The following THOP1 variants were observed in gnomAD, a reference collection of about 807,000 sequenced individuals.
THOP1 encodes the protein thimet oligopeptidase.
Under a neutral mutation model 71.8 loss-of-function variants are expected in THOP1, and 49 were observed. The ratio of observed to expected loss-of-function variants is 0.68; its 90% CI spans 0.54 to 0.87. THOP1 has a LOEUF of 0.87. Ranked by LOEUF, THOP1 falls within the 40% of genes least tolerant of loss-of-function variation. The pLI, the probability that THOP1 is intolerant of heterozygous loss-of-function variation, is 0.00. For missense variants in THOP1, 843 were observed against 975.6 expected (o/e 0.86, Z 1.81); for synonymous variants, 426 against 421.5 (o/e 1.01, Z -0.13).
rs371608854 is a variant in THOP1, at chr19:2,806,908, C to T, written c.751-9C>T. On this transcript the variant is annotated splice_polypyrimidine_tract_variant and intron_variant, in intron 6 of 12. Coordinates refer to ENST00000307741, the MANE Select transcript of THOP1 (RefSeq NM_003249.5). ...CCCCTGGGTGACAGTGTGGTGGTGT[C>T]GGTTGCAGGAGAACTGCGCTATCCT... 130 of 1,612,852 alleles carry T rather than the reference C, an allele frequency of 8.1e-5. No homozygotes were observed. In the African/African-American group the frequency reaches 1.6e-3, roughly 20 times the overall value.
Position 2,810,641 on chromosome 19 carries a change from C to A in THOP1, c.1644C>A (p.Gly548=). ...GCTCTCTCCTTCCCTCCCGCCCAGG[C>A]CTCTTCAACCTGCGCCAGATCGTCC... ...KLIESRQANT[G]LFNLRQIVLA... Residue 548 remains glycine, a splice_region_variant and synonymous_variant, in exon 11 of 13, where the codon GGC becomes GGA. Coordinates refer to ENST00000307741, the MANE Select transcript of THOP1 (RefSeq NM_003249.5). 6.4e-7 allele frequency: 1 copy of A among 1,552,162 alleles called. No homozygotes were observed. Among genetic ancestry groups the A allele is most frequent in the African/African-American group, 1.4e-5 (1 of 73,346 alleles).
intron 6 of THOP1, 149 bp from the exon 7 acceptor site, chr19:2,806,768 G>A: frequency 3.0e-6 from 4 of 1,342,440 alleles, no homozygotes; most frequent in Non-Finnish European, 4.1e-6. Flanking sequence ...ATGACCAGAG[G>A]AGTTGTGTAG....
chr19:2,803,927 C>T (rs1164313498), intron 5 of THOP1, among the ~76,000 whole-genome samples: 1 of 152,180 alleles, frequency 6.6e-6, no homozygotes, highest in Non-Finnish European at 1.5e-5. Context: ...TCCACCCCTA[C>T]TGCCCTGGGG....
intron 6 of THOP1, 32 bp from the exon 7 acceptor site, chr19:2,806,885 C>T (rs1230743812): frequency 6.2e-7 from 1 of 1,612,184 alleles, no homozygotes; most frequent in South Asian, 1.1e-5. Context: ...GAGTGGCGCC[C>T]CTGGGTGACA....
intron 1 of THOP1, among the ~76,000 whole-genome samples, chr19:2,788,731 G>A (rs1316531207): frequency 6.6e-6 from 1 of 152,148 alleles, no homozygotes; most frequent in Admixed American, 6.6e-5. Flanking sequence ...CACCCGCCTT[G>A]GCCTCCCAAA....
At chr19:2,812,348 C>A in intron 12 of THOP1, 1 of 1,530,782 alleles carries the variant, frequency 6.5e-7, no homozygotes. Flanking sequence ...TGCCTGGGTG[C>A]AACATTGCAC....
In THOP1 at chr19:2,795,985, G is replaced by A. The variant is rs1916003479; in HGVS notation, c.379-96G>A. 1.7e-5 allele frequency: 15 copies of A among 900,370 alleles called. No homozygotes were observed. In the South Asian group the frequency reaches 2.2e-4, roughly 13 times the overall value. 55.8% of individuals were successfully genotyped at this position (900,370 alleles called of 1,614,324 possible). A position where few individuals can be genotyped will look rare whatever the true frequency, so the allele number is the denominator to read the frequency against. ...AGGAGTGCAGTTGCCAAGTCACACG[G>A]GGGCCGGATGATCAGGTTTTTAAGA... On this transcript the variant is annotated intron_variant, in intron 3 of 12. Coordinates refer to ENST00000307741, the MANE Select transcript of THOP1 (RefSeq NM_003249.5).
intron 2 of THOP1, among the ~76,000 whole-genome samples, chr19:2,793,782 C>T (rs1047679100): frequency 2.0e-5 from 3 of 152,236 alleles, no homozygotes; most frequent in Non-Finnish European, 4.4e-5. Context: ...CACACCGCAG[C>T]CTGTTCCAGA....
At chr19:2,807,932 G>A (rs765282836) in intron 8 of THOP1, 124 bp downstream of exon 8, 24 of 1,179,610 alleles carry the variant, frequency 2.0e-5, no homozygotes, top group African/African-American at 4.6e-5. Context: ...GATGAACCCC[G>A]AGACGTAGCA....
Position 2,799,425 on chromosome 19 carries a change from G to A in THOP1, c.487-264G>A, listed in dbSNP as rs114372984. Among the ~76,000 whole-genome samples, 715 of 152,324 alleles carry A rather than the reference G, an allele frequency of 4.7e-3. 13 individuals are homozygous for A. Among genetic ancestry groups the A allele is most frequent in the African/African-American group, 0.016 (662 of 41,558 alleles). ...TGGCCAGGGCCACACCTGACAGACC[G>A]GAGCACATCCCTGAGGTTGCCCGAG... On this transcript the variant is annotated intron_variant, in intron 4 of 12. Transcript: ENST00000307741.
At position 2,807,449 on chromosome 19, in the gene THOP1, G is replaced by A. The variant is rs1277493680; in HGVS notation, c.894G>A (p.Leu298=). 1 of 1,589,994 alleles carries A rather than the reference G, an allele frequency of 6.3e-7. No individual in the cohort carries two copies. The highest frequency in any genetic ancestry group is 1.7e-5 in the Admixed American group (1 of 58,908). The stretch of plus-strand genomic sequence containing the variant: ...TTTCTGCCCTCCCCGCAGATGAGCT[G>A]GCGCAGAAGCTGAAGCCCCTGGGGG... ...SQTVATFLDE[L]AQKLKPLGEQ... is the part of the protein sequence containing the mutation. Residue 298 remains leucine, a synonymous_variant, in exon 8 of 13, where the codon CTG becomes CTA. Coordinates refer to ENST00000307741, the MANE Select transcript of THOP1 (RefSeq NM_003249.5).
rs1420297972 is a variant in THOP1, at chr19:2,810,456, G to A, written c.1608G>A (p.Leu536=). The A allele has an allele frequency of 6.3e-7, 1 of 1,578,804 alleles. No individual in the cohort carries two copies. Among genetic ancestry groups the A allele is most frequent in the East Asian group, 2.3e-5 (1 of 43,810 alleles). Reference sequence around the variant, plus strand: ...GCAGCGCCGTGCCCCGGGAGCTCCTGGAGAAGCTCATTGAGTCCCGGCAGG... The same window carrying A: ...GCAGCGCCGTGCCCCGGGAGCTCCTAGAGAAGCTCATTGAGTCCCGGCAGG... ...RTGSAVPREL[L]EKLIESRQAN... is the part of the protein sequence containing the mutation. Residue 536 remains leucine, a synonymous_variant, in exon 10 of 13, where the codon CTG becomes CTA. Coordinates refer to ENST00000307741, the MANE Select transcript of THOP1 (RefSeq NM_003249.5).
At chr19:2,789,558 C>T (rs967704361) in intron 1 of THOP1, among the ~76,000 whole-genome samples, 1 of 152,190 alleles carries the variant, frequency 6.6e-6, no homozygotes, top group Non-Finnish European at 1.5e-5. Flanking sequence ...TTGTTCCCCC[C>T]ACTGGGTGTG....
Position 2,789,812 on chromosome 19 carries a change from G to A in THOP1, c.17-609G>A, listed in dbSNP as rs1032288103. ...CTGTCGCCCAGGCTGGAGTGCAGTG[G>A]CGCGATCTTGGCTCACTGCAACCTC... On this transcript the variant is annotated intron_variant, in intron 1 of 12. Coordinates refer to ENST00000307741, the MANE Select transcript of THOP1 (RefSeq NM_003249.5). 8 of 152,590 alleles carry A rather than the reference G, an allele frequency of 5.2e-5. 1 individual carries two copies. The highest frequency in any genetic ancestry group is 8.8e-5 in the Non-Finnish European group (6 of 68,478). 9.5% of individuals were successfully genotyped at this position (152,590 alleles called of 1,614,324 possible).
chr19:2,798,349 G>A lies in THOP1; in HGVS notation c.487-1340G>A, dbSNP rs920543794. 6.6e-5 allele frequency among the ~76,000 whole-genome samples: 10 copies of A among 152,106 alleles called. 1 individual carries two copies. Among genetic ancestry groups the A allele is most frequent in the South Asian group, 6.2e-4 (3 of 4,832 alleles). ...CCACAGTTATTTTTAAAACCCCTTC[G>A]GCTTGTTGCATGCCCAGCATGTGTG... is the stretch of plus-strand genomic sequence containing the variant. On this transcript the variant is annotated intron_variant, in intron 4 of 12. Transcript: ENST00000307741.
At position 2,815,433 on chromosome 19, in the gene THOP1, C is replaced by T. The variant is rs573145315; in HGVS notation, c.*2157C>T. The T allele has an allele frequency of 3.3e-5, 5 of 152,588 alleles. No individual in the cohort carries two copies. The highest frequency in any genetic ancestry group is 5.9e-5 in the Non-Finnish European group (4 of 68,240). 9.5% of individuals were successfully genotyped at this position (152,588 alleles called of 1,614,324 possible). ...CCCCGCGGTGCTTCGCAAGTTGGGC[C>T]GCCTCCCCCAGCATGTCCCCTGCTC... is the stretch of plus-strand genomic sequence containing the variant. On this transcript the variant is annotated 3_prime_UTR_variant, in exon 13 of 13. Transcript: ENST00000307741.
chr19:2,813,330 T>A lies in THOP1; in HGVS notation c.*54T>A. ...CCTGCGCTCCCGCCGCCCTGGTGCC[T>A]TAGCCCCCGGCACAGGATGGGGCAG... On this transcript the variant is annotated 3_prime_UTR_variant, in exon 13 of 13. Coordinates refer to ENST00000307741, the MANE Select transcript of THOP1 (RefSeq NM_003249.5). 6.6e-7 allele frequency: 1 copy of A among 1,523,592 alleles called. No individual in the cohort carries two copies. The highest frequency in any genetic ancestry group is 1.2e-5 in the South Asian group (1 of 82,256). The allele number at this position is 1,523,592 out of a possible 1,614,324, so 94.4% of individuals were successfully genotyped here. A position where few individuals can be genotyped will look rare whatever the true frequency, so the allele number is the denominator to read the frequency against.
At chr19:2,802,094 T>TCTCCCGATACC (rs1568322574) in intron 5 of THOP1, among the ~76,000 whole-genome samples, 1 of 146,260 alleles carries the variant, frequency 6.8e-6, no homozygotes, top group Non-Finnish European at 1.5e-5. Flanking sequence ...CTCCCAATAC[T>TCTCCCGATACC]GCTACCTCTC....
intron 2 of THOP1, among the ~76,000 whole-genome samples, chr19:2,792,623 A>T (rs187632814): frequency 3.6e-4 from 54 of 151,614 alleles, no homozygotes; most frequent in Non-Finnish European, 6.5e-4. Flanking sequence ...GCTTTTTTTT[A>T]AAAAAAATTA....
Sources: allele counts gnomAD v4.1 joint callset (sites outside exome capture counted in the v4.1 genomes callset), GRCh38; gene constraint gnomAD v4.1.1; transcripts MANE v1.5; gene names NCBI Gene and HGNC (gene_info 2026-07-23, HGNC 2026-07-21).